Variants in MYLK observed in about 807,000 individuals in gnomAD.
MYLK encodes the protein myosin light chain kinase.
In MYLK, 106 loss-of-function variants were observed where a neutral mutation model predicts 203.4. The observed-to-expected ratio is 0.52, with a 90% CI of 0.45 to 0.61. The LOEUF (loss-of-function observed/expected upper bound fraction) is 0.61, where lower values mean the gene tolerates loss of function less well. MYLK is among the 20% of genes least tolerant of loss of function. MYLK has a pLI of 0.00. For synonymous variants in MYLK, 867 were observed against 959.5 expected, an observed-to-expected ratio of 0.90 and a Z score of 1.78; for missense variants, 2,072 against 2,442.3, an observed-to-expected ratio of 0.85 and a Z score of 3.20.
chr3:123,823,953 C>T (rs1023677278), intron 3 of MYLK, among the ~76,000 whole-genome samples: 2 of 152,104 alleles, frequency 1.3e-5, no homozygotes, highest in African/African-American at 4.8e-5. Flanking sequence ...TCTCAAGACC[C>T]CCTCCTTTAT....
chr3:123,689,125 A>C (rs2108500972), intron 19 of MYLK, among the ~76,000 whole-genome samples: 1 of 152,012 alleles, frequency 6.6e-6, no homozygotes, highest in Non-Finnish European at 1.5e-5. Context: ...ATCATGCATG[A>C]CCCTCTGTGG....
intron 16 of MYLK, among the ~76,000 whole-genome samples, chr3:123,706,982 C>A (rs779786266): frequency 1.2e-4 from 19 of 152,238 alleles, no homozygotes; most frequent in Non-Finnish European, 2.1e-4. Context: ...CTTAGTGACT[C>A]ACTTCTAACA....
chr3:123,682,243 A>G lies in MYLK; in HGVS notation c.3633T>C (p.Pro1211=), dbSNP rs755396462. ...ACTCACTCTCAGTTCCTAGCACGGG[A>G]GGAAGAGAGCTCTTGGGCCTCCGGG... ...MKSRRPKSSL[P]PVLGTESDAT... is the part of the protein sequence containing the mutation. The change falls in exon 20 of 34, where the codon CCT becomes CCC. Residue 1211 remains proline (P), a synonymous_variant. Transcript: ENST00000360304. 5 of 1,602,622 alleles carry G rather than the reference A, an allele frequency of 3.1e-6. No homozygotes were observed. Among genetic ancestry groups the G allele is most frequent in the Non-Finnish European group, 3.4e-6 (4 of 1,174,876 alleles).
Position 123,849,964 on chromosome 3 carries a change from A to T in MYLK, c.-126-18294T>A, listed in dbSNP as rs369852166. ...TGTGTCCAAGTGTTCTCATTGTTCA[A>T]TTCCCACCTATGAGCGAGAATATGC... On this transcript the variant is annotated intron_variant, in intron 2 of 33. Coordinates refer to ENST00000360304, the MANE Select transcript of MYLK (RefSeq NM_053025.4). Among the ~76,000 whole-genome samples the T allele has an allele frequency of 6.0e-4, 91 of 152,226 alleles. 2 individuals are homozygous for T. In the South Asian group the frequency reaches 0.011, roughly 18 times the overall value.
intron 27 of MYLK, among the ~76,000 whole-genome samples, chr3:123,646,265 T>A (rs1303558806): frequency 1.3e-5 from 2 of 152,212 alleles, no homozygotes; most frequent in Admixed American, 1.3e-4. Flanking sequence ...TATATTTTCA[T>A]AAAGAAACTT....
At chr3:123,842,291 A>T (rs747030735) in intron 2 of MYLK, among the ~76,000 whole-genome samples, 1 of 152,140 alleles carries the variant, frequency 6.6e-6, no homozygotes, top group Non-Finnish European at 1.5e-5. Flanking sequence ...GAGAATCACT[A>T]TATAATAATA....
chr3:123,745,520 C>G (rs2062987989), intron 5 of MYLK, among the ~76,000 whole-genome samples: 1 of 152,224 alleles, frequency 6.6e-6, no homozygotes, highest in African/African-American at 2.4e-5. Flanking sequence ...CTCTTTGAAG[C>G]ACTCTTTCTT....
chr3:123,756,170 T>C (rs1423670891), intron 4 of MYLK, among the ~76,000 whole-genome samples: 2 of 152,228 alleles, frequency 1.3e-5, no homozygotes, highest in Non-Finnish European at 2.9e-5. Flanking sequence ...TGCCTCATCG[T>C]AAATTCATGT....
At chr3:123,750,722 A>T (rs899775983) in intron 5 of MYLK, among the ~76,000 whole-genome samples, 2 of 152,188 alleles carry the variant, frequency 1.3e-5, no homozygotes, top group Non-Finnish European at 2.9e-5. Context: ...GGTAATTTTT[A>T]TTTGTAGGCA....
intron 2 of MYLK, among the ~76,000 whole-genome samples, chr3:123,875,751 G>A (rs569780400): frequency 3.9e-5 from 6 of 152,232 alleles, no homozygotes; most frequent in South Asian, 4.1e-4. Flanking sequence ...CTGGGAAAAT[G>A]CTGATCATTT....
intron 12 of MYLK, among the ~76,000 whole-genome samples, chr3:123,724,858 C>T (rs901903711): frequency 1.3e-5 from 2 of 152,106 alleles, no homozygotes; most frequent in Non-Finnish European, 2.9e-5. Context: ...GATTCTCCTG[C>T]CTAGCCTCCG....
intron 31 of MYLK, chr3:123,622,746 C>T (rs890996527): frequency 3.3e-5 from 5 of 151,988 alleles, no homozygotes; most frequent in Admixed American, 6.5e-5. Context: ...AAAAAATTGC[C>T]GAGGAAGTTA....
intron 13 of MYLK, among the ~76,000 whole-genome samples, chr3:123,718,098 G>A (rs941501374): frequency 2.0e-5 from 3 of 152,272 alleles, no homozygotes; most frequent in South Asian, 2.1e-4. Flanking sequence ...CTCGGCTCAA[G>A]AGATCCACCT....
rs142835596 is a variant in MYLK at position 123,708,737 on chromosome 3, C to T, written c.2101G>A (p.Ala701Thr). The T allele has an allele frequency of 1.0e-3, 1,675 of 1,614,186 alleles. 18 individuals carry two copies. The African/African-American group carries it at 0.019, about 19-fold the overall frequency. ...ACGGCCTGGGTGCGGACCTCTCCAG[C>T]GCTGTTCCAGGCCTCGCAGGTGTAC... ...GTYTCEAWNS[A>T]GEVRTQAVLT... The change falls in exon 15 of 34, where the codon GCT becomes ACT. Residue 701 changes from alanine to threonine, a missense_variant. Transcript: ENST00000360304.
chr3:123,632,777 G>A (rs1251041451), intron 29 of MYLK, among the ~76,000 whole-genome samples: 3 of 151,722 alleles, frequency 2.0e-5, no homozygotes, highest in African/African-American at 7.3e-5. Context: ...CTTTGTGGCA[G>A]AATTTGCATA....
At chr3:123,713,260 C>T (rs72970834) in intron 13 of MYLK, among the ~76,000 whole-genome samples, 6 of 152,146 alleles carry the variant, frequency 3.9e-5, no homozygotes, top group East Asian at 3.9e-4. Context: ...TGTTCTCAGA[C>T]CGGCAAGGTG....
intron 3 of MYLK, among the ~76,000 whole-genome samples, chr3:123,802,490 G>A (rs1195157477): frequency 2.6e-5 from 4 of 152,246 alleles, no homozygotes; most frequent in South Asian, 2.1e-4. Context: ...AGCAGACCAC[G>A]GGTGGGAGGA....
At chr3:123,701,796 C>A (rs1209534699) in intron 16 of MYLK, among the ~76,000 whole-genome samples, 1 of 152,232 alleles carries the variant, frequency 6.6e-6, no homozygotes, top group African/African-American at 2.4e-5. Context: ...ATAATATAAT[C>A]ATTCAATCAA....
chr3:123,635,476 T>C (rs554053325), intron 29 of MYLK, among the ~76,000 whole-genome samples: 1 of 152,260 alleles, frequency 6.6e-6, no homozygotes, highest in East Asian at 1.9e-4. Flanking sequence ...AGCTAAGATG[T>C]GGCACAGGAT....
Sources: allele counts gnomAD v4.1 joint callset (sites outside exome capture counted in the v4.1 genomes callset), GRCh38; gene constraint gnomAD v4.1.1; transcripts MANE v1.5; gene names NCBI Gene and HGNC (gene_info 2026-07-23, HGNC 2026-07-21).